Variants in CSMD1 observed in about 807,000 individuals in gnomAD.
CSMD1 encodes the protein CUB and sushi domain-containing protein 1.
CSMD1 carries 213 observed loss-of-function variants against 417.5 expected under a neutral mutation model. That is an observed-to-expected ratio of 0.51 (90% CI 0.46 to 0.57). The LOEUF (loss-of-function observed/expected upper bound fraction) is 0.57, where lower values mean the gene tolerates loss of function less well. Ranked by LOEUF, CSMD1 falls within the 20% of genes least tolerant of loss-of-function variation. The pLI is 0.00. For synonymous variants in CSMD1, 2,862 were observed against 1,736.8 expected (o/e 1.65, Z -16.11); for missense variants, 6,923 against 4,529.7 (o/e 1.53, Z -15.17).
At chr8:4,269,417 T>C (rs1009468024) in intron 3 of CSMD1, among the ~76,000 whole-genome samples, 1 of 152,148 alleles carries the variant, frequency 6.6e-6, no homozygotes, top group African/African-American at 2.4e-5. Flanking sequence ...CTGTGTAGCT[T>C]TTGATATTGA....
At chr8:4,796,335 T>C (rs1174009144) in intron 1 of CSMD1, among the ~76,000 whole-genome samples, 1 of 152,106 alleles carries the variant, frequency 6.6e-6, no homozygotes, top group African/African-American at 2.4e-5. Context: ...AACGTGATGA[T>C]CTTCACATAT....
intron 3 of CSMD1, among the ~76,000 whole-genome samples, chr8:4,102,676 C>G (rs909202614): frequency 2.0e-5 from 3 of 152,174 alleles, no homozygotes; most frequent in African/African-American, 7.2e-5. Flanking sequence ...CTCCAATATT[C>G]AGGACATTTA....
chr8:3,065,888 A>T (rs576873387), intron 49 of CSMD1, among the ~76,000 whole-genome samples: 2 of 152,342 alleles, frequency 1.3e-5, no homozygotes, highest in African/African-American at 4.8e-5. Flanking sequence ...TATAAATGAA[A>T]ATGAGTGAAG....
In CSMD1 at chr8:3,802,827, G is replaced by C. The variant is rs922744; in HGVS notation, c.819-48785C>G. ...AATGTTCGATTCGTTTCTCCATCAAGTGAAGGGCACTTTTAAGCATCCGCA... is the reference window on the plus strand; with the variant it reads ...AATGTTCGATTCGTTTCTCCATCAACTGAAGGGCACTTTTAAGCATCCGCA... On this transcript the variant is annotated intron_variant, in intron 5 of 69. Coordinates refer to ENST00000635120, the MANE Select transcript of CSMD1 (RefSeq NM_033225.6). Among the ~76,000 whole-genome samples the C allele has an allele frequency of 4.8e-3, 730 of 152,228 alleles. 4 individuals are homozygous for C. Among genetic ancestry groups the C allele is most frequent in the African/African-American group, 0.017 (712 of 41,540 alleles).
rs1016389477 is a variant in CSMD1, at chr8:3,308,510, G to T, written c.3632-7C>A. On this transcript the variant is annotated splice_region_variant and splice_polypyrimidine_tract_variant and intron_variant, in intron 23 of 69. Coordinates refer to ENST00000635120, the MANE Select transcript of CSMD1 (RefSeq NM_033225.6). ...CATTTTACCAGATCAAAACCTGCAA[G>T]AGAGAAAGGCAAGGAATGAACAGAA... 4 of 1,605,606 alleles carry T rather than the reference G, an allele frequency of 2.5e-6. No individual in the cohort carries two copies. In the South Asian group the frequency reaches 4.4e-5, roughly 18 times the overall value.
At position 3,367,237 on chromosome 8, in the gene CSMD1, C is replaced by T. The variant is rs1809643237; in HGVS notation, c.2910G>A (p.Met970Ile). Residue 970 changes from methionine to isoleucine, a missense_variant, in exon 20 of 70, where the codon ATG becomes ATA. By Grantham distance (10) the Met-to-Ile change is conservative. Transcript: ENST00000635120. ...TCTCAAGATGAAAGGTGTGAAAGAT[C>T]ATTTGAACTCCTGAGAAATGAAGCC... Reference protein sequence around the residue: ...IEVSHGKGVQMIFHTFHLESS... With the variant: ...IEVSHGKGVQIIFHTFHLESS... 6 of 1,609,564 alleles carry T rather than the reference C, an allele frequency of 3.7e-6. No homozygotes were observed. The highest frequency in any genetic ancestry group is 5.1e-6 in the Non-Finnish European group (6 of 1,177,650).
At chr8:4,179,077 C>T (rs930875459) in intron 3 of CSMD1, among the ~76,000 whole-genome samples, 2 of 152,108 alleles carry the variant, frequency 1.3e-5, no homozygotes, top group Non-Finnish European at 2.9e-5. Flanking sequence ...GAAAAAACTA[C>T]TTTAAAGTTC....
chr8:4,102,621 C>G (rs953933843), intron 3 of CSMD1, among the ~76,000 whole-genome samples: 4 of 152,162 alleles, frequency 2.6e-5, no homozygotes, highest in Admixed American at 2.0e-4. Flanking sequence ...CAAATGCCTC[C>G]TGTTCTTGGC....
chr8:3,127,244 T>C (rs1327293078), intron 41 of CSMD1: 3 of 152,210 alleles, frequency 2.0e-5, no homozygotes, highest in African/African-American at 7.2e-5. Context: ...GAGGCATCTT[T>C]GTAAAGCCTT....
At chr8:4,236,624 A>G (rs73186161) in intron 3 of CSMD1, among the ~76,000 whole-genome samples, 6,274 of 152,286 alleles carry the variant, frequency 0.041, 151 homozygotes, top group East Asian at 0.089. Context: ...CTACCTCTTA[A>G]AAGAATTCAG....
intron 26 of CSMD1, among the ~76,000 whole-genome samples, chr8:3,236,047 A>G (rs1366365311): frequency 6.7e-6 from 1 of 150,286 alleles, no homozygotes; most frequent in Non-Finnish European, 1.5e-5. Flanking sequence ...TCTCCGGAGT[A>G]GCTGGGACTA....
intron 59 of CSMD1, among the ~76,000 whole-genome samples, chr8:2,964,753 G>A (rs569068398): frequency 5.5e-4 from 84 of 152,334 alleles, no homozygotes; most frequent in African/African-American, 1.9e-3. Flanking sequence ...GGAAGGCAAT[G>A]AGATCCTTTG....
rs2116905045 is a variant in CSMD1 at position 3,407,888 on chromosome 8, G to T, written c.2071+11C>A. ...AGAACTTGGATGTGTTGACTGTGTG[G>T]GCGTACTTACTGGTGTAAGTGATGT... On this transcript the variant is annotated intron_variant, in intron 14 of 69. Transcript: ENST00000635120. The T allele has an allele frequency of 6.3e-7, 1 of 1,592,562 alleles. No homozygotes were observed. The highest frequency in any genetic ancestry group is 8.6e-7 in the Non-Finnish European group (1 of 1,165,586).
At chr8:4,901,728 G>A (rs1563717416) in intron 1 of CSMD1, among the ~76,000 whole-genome samples, 1 of 152,212 alleles carries the variant, frequency 6.6e-6, no homozygotes, top group African/African-American at 2.4e-5. Context: ...AGAGGATGCT[G>A]AATCATATTA....
At chr8:3,118,857 G>C (rs1051818065) in intron 41 of CSMD1, among the ~76,000 whole-genome samples, 3 of 152,050 alleles carry the variant, frequency 2.0e-5, no homozygotes, top group African/African-American at 7.2e-5. Flanking sequence ...GCTTACCTTG[G>C]AAAAAAGGCA....
intron 1 of CSMD1, among the ~76,000 whole-genome samples, chr8:4,912,139 AAAG>A (rs373257322): frequency 0.026 from 2,579 of 99,402 alleles, 23 homozygotes; most frequent in East Asian, 0.094. Context: ...AAAAAAAAAA[AAAG>A]AAAGAAAGAA....
At chr8:3,397,325 G>C (rs888508822) in intron 16 of CSMD1, among the ~76,000 whole-genome samples, 1 of 152,172 alleles carries the variant, frequency 6.6e-6, no homozygotes, top group Admixed American at 6.5e-5. Flanking sequence ...GAAAACTTGG[G>C]AGAGGGGAAG....
intron 7 of CSMD1, among the ~76,000 whole-genome samples, chr8:3,638,252 T>A (rs910860687): frequency 1.3e-5 from 2 of 152,140 alleles, no homozygotes; most frequent in Non-Finnish European, 2.9e-5. Flanking sequence ...ATTCTATAGA[T>A]AAATAAATAA....
chr8:3,005,322 T>C (rs1807791039), intron 52 of CSMD1, among the ~76,000 whole-genome samples: 1 of 152,154 alleles, frequency 6.6e-6, no homozygotes, highest in Non-Finnish European at 1.5e-5. Flanking sequence ...CTATTCTGTG[T>C]CTGATGAAAG....
Sources: allele counts gnomAD v4.1 joint callset (sites outside exome capture counted in the v4.1 genomes callset), GRCh38; gene constraint gnomAD v4.1.1; transcripts MANE v1.5; gene names NCBI Gene and HGNC (gene_info 2026-07-23, HGNC 2026-07-21).